Variants in VSX2 observed in about 807,000 individuals in gnomAD.
VSX2 encodes the protein visual system homeobox 2, also known as ceh-10 homeo domain containing homolog.
A neutral mutation model predicts 32.1 loss-of-function variants in VSX2; 28 were observed. That is an observed-to-expected ratio of 0.87 (90% CI 0.65 to 1.20). The LOEUF is 1.20. Among genes scored for constraint, VSX2 ranks in the 50% most tolerant of loss-of-function variants. The pLI is 0.00. For synonymous variants in VSX2, 243 were observed against 214.1 expected (o/e 1.14, Z -1.18); for missense variants, 506 against 488.7 (o/e 1.04, Z -0.33).
intron 2 of VSX2, among the ~76,000 whole-genome samples, chr14:74,244,909 T>TGTGTGAGAGAGAAAGAGAGAGAGAAA (rs2079175744): frequency 1.8e-5 from 2 of 108,616 alleles, no homozygotes; most frequent in East Asian, 8.5e-4. Context: ...TGTGTGTGTG[T>TGTGTGAGAGAGAAAGAGAGAGAGAAA]GTGTGTGTGT....
intron 3 of VSX2, among the ~76,000 whole-genome samples, chr14:74,247,361 G>T (rs1202874924): frequency 2.0e-5 from 3 of 152,172 alleles, no homozygotes; most frequent in African/African-American, 7.2e-5. Context: ...TGGGCTCCTG[G>T]CCGGGCTTCA....
intron 3 of VSX2, among the ~76,000 whole-genome samples, chr14:74,258,894 G>A (rs1331303408): frequency 4.6e-5 from 7 of 152,198 alleles, no homozygotes; most frequent in Non-Finnish European, 1.0e-4. Context: ...CCTGGAGAAT[G>A]TTATCTTCAT....
chr14:74,240,836 G>A (rs2079145122), intron 1 of VSX2, among the ~76,000 whole-genome samples: 1 of 152,124 alleles, frequency 6.6e-6, no homozygotes, highest in Non-Finnish European at 1.5e-5. Flanking sequence ...GGGGCATTGG[G>A]GCTGGCCGCG....
chr14:74,249,201 T>C (rs116437706), intron 3 of VSX2, among the ~76,000 whole-genome samples: 167 of 152,366 alleles, frequency 1.1e-3, no homozygotes, highest in African/African-American at 3.9e-3. Flanking sequence ...AACAGTGTTG[T>C]TACTGGCATT....
rs1594755696 is a variant in VSX2 at position 74,248,700 on chromosome 14, CG to C, written c.579+3413del. Among the ~76,000 whole-genome samples the C allele has an allele frequency of 6.5e-4, 31 of 47,738 alleles. No individual in the cohort carries two copies. In the East Asian group the frequency reaches 0.015, roughly 23 times the overall value. The allele number at this position is 47,738 out of a possible 152,430, so 31.3% of individuals were successfully genotyped here. On this transcript the variant is annotated intron_variant, in intron 3 of 4. Transcript: ENST00000261980. Reference sequence around the variant, plus strand: ...AGTGAGACTCTGTCTCAAAAACAAACGAACAAAAAAAAAAAACAGAGAGAAA... The same window carrying C: ...AGTGAGACTCTGTCTCAAAAACAAACAACAAAAAAAAAAAACAGAGAGAAA...
chr14:74,252,690 A>G (rs1223581058), intron 3 of VSX2, among the ~76,000 whole-genome samples: 1 of 151,984 alleles, frequency 6.6e-6, no homozygotes, highest in Non-Finnish European at 1.5e-5. Context: ...CGCTTGGCCA[A>G]CCTGGGCTTT....
intron 3 of VSX2, among the ~76,000 whole-genome samples, chr14:74,258,393 G>C (rs1298007511): frequency 6.6e-6 from 1 of 152,062 alleles, no homozygotes; most frequent in Non-Finnish European, 1.5e-5. Flanking sequence ...CCTCTGCCGC[G>C]GGGGAGGGGG....
At chr14:74,246,341 G>A (rs568732764) in intron 3 of VSX2, among the ~76,000 whole-genome samples, 14 of 149,146 alleles carry the variant, frequency 9.4e-5, no homozygotes, top group African/African-American at 3.1e-4. Context: ...CTGGGAGGCC[G>A]GGGGAGCCAA....
At chr14:74,248,307 C>T (rs944452686) in intron 3 of VSX2, among the ~76,000 whole-genome samples, 1 of 131,192 alleles carries the variant, frequency 7.6e-6, no homozygotes, top group Non-Finnish European at 1.6e-5. Context: ...GGGAGGATTG[C>T]TTGAGCCCAG....
chr14:74,259,138 C>T (rs60121561), intron 3 of VSX2, among the ~76,000 whole-genome samples: 2,339 of 152,316 alleles, frequency 0.015, 60 homozygotes, highest in African/African-American at 0.053. Context: ...CACTCACCTG[C>T]AGCCCTCCTG....
rs28503732 is a variant in VSX2, at chr14:74,248,064, A to G, written c.579+2776A>G. The stretch of plus-strand genomic sequence containing the variant: ...ACAGAGGCCAGAGTTGAGTCTCTTT[A>G]GACTCCAAAACCCTTGCTTTTCTAC... On this transcript the variant is annotated intron_variant, in intron 3 of 4. Coordinates refer to ENST00000261980, the MANE Select transcript of VSX2 (RefSeq NM_182894.3). Among the ~76,000 whole-genome samples the G allele has an allele frequency of 8.3e-3, 1,259 of 152,098 alleles. 16 individuals carry two copies. Among genetic ancestry groups the G allele is most frequent in the African/African-American group, 0.029 (1,184 of 41,480 alleles).
chr14:74,241,403 G>A, intron 2 of VSX2, 137 bp downstream of exon 2: 4 of 990,396 alleles, frequency 4.0e-6, no homozygotes, highest in Non-Finnish European at 6.2e-6. Context: ...CGCAGACCAC[G>A]GGTTGTTTGG....
Position 74,245,192 on chromosome 14 carries a change from G to T in VSX2, c.483G>T (p.Glu161Asp), listed in dbSNP as rs143366810. ...HRTIFTSYQL[E>D]ELEKAFNEAH... Reference sequence around the variant, plus strand: ...CAATCTTTACCTCCTACCAGCTAGAGGAGCTGGAGAAGGCATTCAACGAAG... The same window carrying T: ...CAATCTTTACCTCCTACCAGCTAGATGAGCTGGAGAAGGCATTCAACGAAG... The change falls in exon 3 of 5, where the codon GAG becomes GAT. Residue 161 changes from glutamate (E) to aspartate (D), a missense_variant. Transcript: ENST00000261980. 61 of 1,613,722 alleles carry T rather than the reference G, an allele frequency of 3.8e-5. No individual in the cohort carries two copies. In the African/African-American group the frequency reaches 5.6e-4, roughly 15 times the overall value.
chr14:74,241,306 C>T (rs2079148607), intron 2 of VSX2, 40 bp downstream of exon 2: 1 of 1,594,438 alleles, frequency 6.3e-7, no homozygotes, highest in African/African-American at 1.3e-5. Flanking sequence ...TGCCCGCGCA[C>T]CCCGCTGCCG....
At chr14:74,253,288 T>C (rs1459307311) in intron 3 of VSX2, among the ~76,000 whole-genome samples, 1 of 152,044 alleles carries the variant, frequency 6.6e-6, no homozygotes, top group East Asian at 1.9e-4. Context: ...AGGAGCAGTC[T>C]CTTCTAGAAA....
intron 3 of VSX2, among the ~76,000 whole-genome samples, chr14:74,252,498 CTCCTGCCTCATCCTCCTGAG>C (rs77697300): frequency 0.35 from 52,669 of 151,200 alleles, 9,596 homozygotes; most frequent in East Asian, 0.69. Flanking sequence ...TCAAGCGATT[CTCCTGCCTCATCCTCCTGAG>C]TAGCTGGGAC....
intron 3 of VSX2, among the ~76,000 whole-genome samples, chr14:74,247,911 A>C (rs1259565811): frequency 6.6e-6 from 1 of 152,074 alleles, no homozygotes; most frequent in Non-Finnish European, 1.5e-5. Context: ...CCCTCCCTCG[A>C]CCAGCAGCCC....
At chr14:74,259,354 G>C (rs369409851) in intron 3 of VSX2, among the ~76,000 whole-genome samples, 1 of 152,058 alleles carries the variant, frequency 6.6e-6, no homozygotes, top group East Asian at 1.9e-4. Flanking sequence ...CTGCGCACCT[G>C]CAAGACCCTG....
intron 2 of VSX2, among the ~76,000 whole-genome samples, chr14:74,243,795 C>A (rs114869826): frequency 6.6e-6 from 1 of 151,834 alleles, no homozygotes; most frequent in African/African-American, 2.4e-5. Context: ...AATTATCCCC[C>A]GAGATATTAA....
Sources: allele counts gnomAD v4.1 joint callset (sites outside exome capture counted in the v4.1 genomes callset), GRCh38; gene constraint gnomAD v4.1.1; transcripts MANE v1.5; gene names NCBI Gene and HGNC (gene_info 2026-07-23, HGNC 2026-07-21).